The following PCNX2 variants were observed in gnomAD, a reference collection of about 807,000 sequenced individuals.
PCNX2 encodes the protein pecanex-like protein 2.
In PCNX2, 168 loss-of-function variants were observed where a neutral mutation model predicts 223.8. That is an observed-to-expected ratio of 0.75 (90% CI 0.66 to 0.85). The LOEUF is 0.85. Among genes scored for constraint, PCNX2 ranks in the 40% least tolerant of loss-of-function variants. The probability of loss-of-function intolerance (pLI) is 0.00; values close to 1 mark genes in which losing one functional copy is unlikely to be tolerated. For missense variants in PCNX2, 2,507 were observed against 2,675.5 expected (o/e 0.94, Z 1.39); for synonymous variants, 1,006 against 1,052.6 (o/e 0.96, Z 0.86).
intron 21 of PCNX2, among the ~76,000 whole-genome samples, chr1:233,105,910 C>G (rs1674743007): frequency 1.3e-5 from 2 of 152,150 alleles, no homozygotes; most frequent in Admixed American, 6.6e-5. Context: ...GCACAAAACT[C>G]AAAGGTCTCC....
rs7537135 is a variant in PCNX2, at chr1:233,208,770, A to G, written c.2692-81T>C. ...AGCCTCATAGTCAATAATTTACACTATATCATATAACTTATACATATAACA... is the reference window on the plus strand; with the variant it reads ...AGCCTCATAGTCAATAATTTACACTGTATCATATAACTTATACATATAACA... On this transcript the variant is annotated intron_variant, in intron 12 of 33. Coordinates refer to ENST00000258229, the MANE Select transcript of PCNX2 (RefSeq NM_014801.4). 0.012 allele frequency: 14,385 copies of G among 1,212,848 alleles called. 917 individuals carry two copies. In the African/African-American group the frequency reaches 0.17, roughly 14 times the overall value. 75.1% of individuals were successfully genotyped at this position (1,212,848 alleles called of 1,614,324 possible).
chr1:233,172,876 C>T (rs1274669948), intron 17 of PCNX2, among the ~76,000 whole-genome samples: 3 of 152,150 alleles, frequency 2.0e-5, no homozygotes, highest in African/African-American at 4.8e-5. Flanking sequence ...TGACTTTCCT[C>T]GTTTTCTTTT....
At chr1:233,114,272 G>A (rs148803867) in intron 21 of PCNX2, among the ~76,000 whole-genome samples, 11 of 152,286 alleles carry the variant, frequency 7.2e-5, no homozygotes, top group African/African-American at 2.4e-4. Context: ...AAAAAGGATC[G>A]AGTCCAGTGG....
At chr1:232,986,645 C>A (rs1669500082) in intron 32 of PCNX2, 105 bp from the exon 33 acceptor site, 1 of 1,028,892 alleles carries the variant, frequency 9.7e-7, no homozygotes, top group South Asian at 1.8e-5. Flanking sequence ...AGGACCCCTC[C>A]TCAGTGCACC....
intron 15 of PCNX2, among the ~76,000 whole-genome samples, chr1:233,188,754 C>T (rs1321253972): frequency 1.3e-5 from 2 of 152,180 alleles, no homozygotes; most frequent in Non-Finnish European, 2.9e-5. Context: ...AACTCCTGAC[C>T]TCATGATCCA....
At chr1:233,194,483 C>T (rs1029903249) in intron 15 of PCNX2, among the ~76,000 whole-genome samples, 11 of 151,902 alleles carry the variant, frequency 7.2e-5, no homozygotes, top group South Asian at 2.1e-4. Context: ...TTTAAAATAA[C>T]GTAAAGGAAA....
intron 26 of PCNX2, among the ~76,000 whole-genome samples, chr1:233,018,202 T>C (rs570102566): frequency 1.8e-4 from 27 of 151,996 alleles, no homozygotes; most frequent in African/African-American, 5.5e-4. Context: ...TTTTAGTTTT[T>C]TTTTTTTGTA....
At position 233,095,874 on chromosome 1, in the gene PCNX2, A is replaced by T; in HGVS notation, c.3838-11T>A. On this transcript the variant is annotated splice_polypyrimidine_tract_variant and intron_variant, in intron 21 of 33. Coordinates refer to ENST00000258229, the MANE Select transcript of PCNX2 (RefSeq NM_014801.4). The stretch of plus-strand genomic sequence containing the variant: ...AAGCAGGTCCCCGAGCTGAAAGTAA[A>T]AGAAAAAAAATTCATCAGAGAGGAC... The T allele has an allele frequency of 6.4e-7, 1 of 1,574,262 alleles. No individual in the cohort carries two copies. Among genetic ancestry groups the T allele is most frequent in the Non-Finnish European group, 8.7e-7 (1 of 1,151,962 alleles).
At chr1:233,267,701 T>C (rs1165713328) in intron 1 of PCNX2, among the ~76,000 whole-genome samples, 1 of 152,198 alleles carries the variant, frequency 6.6e-6, no homozygotes, top group African/African-American at 2.4e-5. Context: ...CAGAATTTCC[T>C]TCTTTTTTAA....
intron 28 of PCNX2, among the ~76,000 whole-genome samples, chr1:233,005,928 G>C (rs1329117589): frequency 2.0e-5 from 3 of 152,076 alleles, no homozygotes. Flanking sequence ...GCCCCCACTC[G>C]CACGCCTGTG....
intron 9 of PCNX2, among the ~76,000 whole-genome samples, chr1:233,236,237 G>T (rs964630708): frequency 5.1e-4 from 77 of 151,842 alleles, no homozygotes; most frequent in Non-Finnish European, 1.6e-4. Context: ...CTAACTTCAT[G>T]TCTGCGTGTT....
chr1:233,096,430 C>T (rs1170843588), intron 21 of PCNX2, among the ~76,000 whole-genome samples: 2 of 152,146 alleles, frequency 1.3e-5, no homozygotes, highest in South Asian at 2.1e-4. Flanking sequence ...ACCTCACATA[C>T]GGTGAACAGT....
Position 233,218,030 on chromosome 1 carries a change from C to T in PCNX2, c.2658+1G>A. 1 of 1,609,426 alleles carries T rather than the reference C, an allele frequency of 6.2e-7. No individual in the cohort carries two copies. Among genetic ancestry groups the T allele is most frequent in the Non-Finnish European group, 8.5e-7 (1 of 1,177,850 alleles). ...CTGGTAAGAATTAGATGTGGTCTTG[C>T]CTTTAGCAGGGAGTACTGGCAGCTG... On this transcript the variant is annotated splice_donor_variant, in intron 11 of 33. Transcript: ENST00000258229. LOFTEE classifies it high-confidence loss of function.
chr1:233,297,813 C>G (rs956296903), upstream of PCNX2, among the ~76,000 whole-genome samples: 6 of 152,102 alleles, frequency 3.9e-5, no homozygotes, highest in Admixed American at 6.5e-5. Context: ...ATCGATAGTA[C>G]AGGGGCAAAT....
At chr1:233,128,674 G>A (rs1168941401) in intron 21 of PCNX2, among the ~76,000 whole-genome samples, 1 of 152,136 alleles carries the variant, frequency 6.6e-6, no homozygotes, top group East Asian at 1.9e-4. Context: ...CCAGTGCGAG[G>A]TCATGAAAGA....
intron 21 of PCNX2, among the ~76,000 whole-genome samples, chr1:233,132,159 C>T (rs1676543182): frequency 2.0e-5 from 3 of 152,072 alleles, no homozygotes; most frequent in South Asian, 2.1e-4. Context: ...AGGCTGGTCT[C>T]GAACTCCTGA....
chr1:233,095,305 T>C (rs146885240), intron 22 of PCNX2: 3 of 155,330 alleles, frequency 1.9e-5, no homozygotes, highest in African/African-American at 7.2e-5. Context: ...TTGTACCTAA[T>C]CTTGTGTTTC....
intron 21 of PCNX2, among the ~76,000 whole-genome samples, chr1:233,114,918 T>C (rs910030981): frequency 2.6e-5 from 4 of 152,106 alleles, no homozygotes; most frequent in South Asian, 2.1e-4. Context: ...TAGGTTCTCA[T>C]GGTGAAGATC....
chr1:233,310,555 T>C, the PCNX2 span, among the ~76,000 whole-genome samples: 2 of 152,010 alleles, frequency 1.3e-5, no homozygotes, highest in Non-Finnish European at 2.9e-5. Flanking sequence ...GTAGGAGAGA[T>C]GTGTGTATCC....
Sources: gnomAD v4.1 joint callset for allele counts (sites outside exome capture counted in the v4.1 genomes callset) on GRCh38, gnomAD v4.1.1 for gene constraint, MANE v1.5 for transcripts, NCBI Gene and HGNC (gene_info 2026-07-23, HGNC 2026-07-21) for gene names.